Variants in PPP1R9A observed in about 807,000 individuals in gnomAD.
The protein encoded by PPP1R9A is neurabin-1.
Under a neutral mutation model 141.9 loss-of-function variants are expected in PPP1R9A, and 59 were observed. The observed-to-expected ratio is 0.42, with a 90% CI of 0.34 to 0.52. PPP1R9A has a LOEUF of 0.52. Among genes scored for constraint, PPP1R9A ranks in the 20% least tolerant of loss-of-function variants. The pLI, the probability that PPP1R9A is intolerant of heterozygous loss-of-function variation, is 0.10. For missense variants in PPP1R9A, 1,444 were observed against 1,611.9 expected (o/e 0.90, Z 1.78); for synonymous variants, 500 against 569.7 (o/e 0.88, Z 1.74).
intron 4 of PPP1R9A, among the ~76,000 whole-genome samples, chr7:95,159,851 G>A (rs1830189005): frequency 1.3e-5 from 2 of 151,094 alleles, no homozygotes; most frequent in East Asian, 1.9e-4. Flanking sequence ...TCTTGAACCC[G>A]GGAGGCGGAG....
intron 2 of PPP1R9A, among the ~76,000 whole-genome samples, chr7:95,107,110 A>G (rs547367098): frequency 6.6e-5 from 10 of 152,164 alleles, no homozygotes; most frequent in South Asian, 4.1e-4. Context: ...AAAAAAATCT[A>G]TTCTTATGGA....
chr7:95,275,592 G>A (rs1803023971), intron 16 of PPP1R9A, among the ~76,000 whole-genome samples: 1 of 152,086 alleles, frequency 6.6e-6, no homozygotes, highest in Non-Finnish European at 1.5e-5. Context: ...AGTTACTTAT[G>A]CATCTAATGA....
rs370160305 is a variant in PPP1R9A, at chr7:95,177,936, G to T, written c.1754+15965G>T. The stretch of plus-strand genomic sequence containing the variant: ...GATAGACAACAACACAGTAATAGTG[G>T]GGGACTTCAGTACTCCACTGACAGC... On this transcript the variant is annotated intron_variant, in intron 5 of 19. Coordinates refer to ENST00000433360, the MANE Select transcript of PPP1R9A (RefSeq NM_001166160.2). Among the ~76,000 whole-genome samples, 419 of 152,142 alleles carry T rather than the reference G, an allele frequency of 2.8e-3. 1 individual carries two copies. The highest frequency in any genetic ancestry group is 8.6e-3 in the African/African-American group (358 of 41,518).
At chr7:95,008,585 T>G (rs535805135) in intron 2 of PPP1R9A, among the ~76,000 whole-genome samples, 20 of 152,200 alleles carry the variant, frequency 1.3e-4, no homozygotes, top group Non-Finnish European at 2.6e-4. Flanking sequence ...AAGCTCCTTC[T>G]GTCTAATGGG....
intron 7 of PPP1R9A, among the ~76,000 whole-genome samples, chr7:95,221,361 G>T (rs1794432140): frequency 6.6e-6 from 1 of 152,066 alleles, no homozygotes; most frequent in Non-Finnish European, 1.5e-5. Context: ...CTTGAACACA[G>T]TTCTACGTGA....
intron 2 of PPP1R9A, among the ~76,000 whole-genome samples, chr7:94,967,975 C>G (rs898924399): frequency 6.6e-6 from 1 of 152,112 alleles, no homozygotes; most frequent in Non-Finnish European, 1.5e-5. Flanking sequence ...TGTTAATTTT[C>G]TGTCTTGTTT....
chr7:95,111,610 C>T (rs759979833), intron 3 of PPP1R9A, among the ~76,000 whole-genome samples: 5 of 152,052 alleles, frequency 3.3e-5, no homozygotes, highest in East Asian at 3.9e-4. Flanking sequence ...TAGCTGGCTG[C>T]GATGGTGGTT....
intron 8 of PPP1R9A, among the ~76,000 whole-genome samples, chr7:95,242,879 A>G (rs919898350): frequency 6.6e-6 from 1 of 152,180 alleles, no homozygotes; most frequent in African/African-American, 2.4e-5. Context: ...CTCAGGCTCT[A>G]TTTCTATTAA....
chr7:95,087,491 C>G (rs1816780657), intron 2 of PPP1R9A, among the ~76,000 whole-genome samples: 1 of 152,010 alleles, frequency 6.6e-6, no homozygotes, highest in Non-Finnish European at 1.5e-5. Flanking sequence ...GGGCGTAATG[C>G]TTGAAGAACT....
intron 3 of PPP1R9A, among the ~76,000 whole-genome samples, chr7:95,118,181 G>T (rs1821856699): frequency 6.6e-6 from 1 of 152,150 alleles, no homozygotes; most frequent in Admixed American, 6.5e-5. Context: ...TAACCTTCAT[G>T]TACACAACAA....
chr7:94,991,592 C>A (rs1219280419), intron 2 of PPP1R9A, among the ~76,000 whole-genome samples: 1 of 151,666 alleles, frequency 6.6e-6, no homozygotes, highest in Non-Finnish European at 1.5e-5. Context: ...GGTAATAGTT[C>A]TTCTTTTCTT....
At chr7:95,088,851 G>C (rs1036117681) in intron 2 of PPP1R9A, among the ~76,000 whole-genome samples, 1 of 152,028 alleles carries the variant, frequency 6.6e-6, no homozygotes, top group Non-Finnish European at 1.5e-5. Context: ...ATTTACTGCT[G>C]AGACTGGAAA....
chr7:94,968,382 C>T (rs999806583), intron 2 of PPP1R9A, among the ~76,000 whole-genome samples: 1 of 152,056 alleles, frequency 6.6e-6, no homozygotes, highest in Non-Finnish European at 1.5e-5. Flanking sequence ...CCGTTTTAGC[C>T]GGGATGGTCT....
At position 95,292,745 on chromosome 7, in the gene PPP1R9A, A is replaced by T. The variant is rs1477514664; in HGVS notation, c.*2442A>T. On this transcript the variant is annotated 3_prime_UTR_variant, in exon 20 of 20. Transcript: ENST00000433360. ...ATTTTAACATTACCACTTAAAACGG[A>T]TGAAATTGTAAAAGTCATTTGGTTT... 6.6e-6 allele frequency: 1 copy of T among 152,214 alleles called. No individual in the cohort carries two copies. The highest frequency in any genetic ancestry group is 2.4e-5 in the African/African-American group (1 of 41,460). 9.4% of individuals were successfully genotyped at this position (152,214 alleles called of 1,614,324 possible).
At chr7:95,163,692 C>G (rs548298009) in intron 5 of PPP1R9A, among the ~76,000 whole-genome samples, 8 of 152,162 alleles carry the variant, frequency 5.3e-5, no homozygotes, top group African/African-American at 1.9e-4. Context: ...GATGCTCAAC[C>G]TGTATAAACT....
chr7:95,286,124 GC>G, intron 17 of PPP1R9A, 81 bp from the exon 18 acceptor site: 1 of 1,544,172 alleles, frequency 6.5e-7, no homozygotes, highest in Non-Finnish European at 8.7e-7. Flanking sequence ...GTTTAAAAGA[GC>G]CCTTTTAGAG....
intron 16 of PPP1R9A, among the ~76,000 whole-genome samples, chr7:95,283,528 C>T (rs989454327): frequency 2.0e-5 from 3 of 152,152 alleles, no homozygotes; most frequent in African/African-American, 7.2e-5. Flanking sequence ...CTACGTGTTC[C>T]ACCTAAAGTA....
intron 2 of PPP1R9A, among the ~76,000 whole-genome samples, chr7:95,021,330 CT>C (rs1805928739): frequency 8.3e-6 from 1 of 121,004 alleles, no homozygotes; most frequent in Admixed American, 8.3e-5. Flanking sequence ...TTTTTTTTTT[CT>C]TGTAAATTTA....
intron 7 of PPP1R9A, among the ~76,000 whole-genome samples, chr7:95,224,927 A>G (rs886475995): frequency 6.6e-6 from 1 of 150,494 alleles, no homozygotes; most frequent in African/African-American, 2.5e-5. Context: ...GATGAGTTCA[A>G]TGAACTTTGT....
Sources: allele counts gnomAD v4.1 joint callset (sites outside exome capture counted in the v4.1 genomes callset), GRCh38; gene constraint gnomAD v4.1.1; transcripts MANE v1.5; gene names NCBI Gene and HGNC (gene_info 2026-07-23, HGNC 2026-07-21).